MACROD2: variants seen among roughly 807,000 people sequenced by gnomAD.
The protein encoded by MACROD2 is ADP-ribose glycohydrolase MACROD2.
Under a neutral mutation model 70.4 loss-of-function variants are expected in MACROD2, and 36 were observed. The ratio of observed to expected loss-of-function variants is 0.51; its 90% CI spans 0.39 to 0.68. The LOEUF (loss-of-function observed/expected upper bound fraction) is 0.68. Ranked by LOEUF, MACROD2 falls within the 30% of genes least tolerant of loss-of-function variation. The pLI, the probability that MACROD2 is intolerant of heterozygous loss-of-function variation, is 0.00. For missense variants in MACROD2, 496 were observed against 538.4 expected (o/e 0.92, Z 0.78); for synonymous variants, 172 against 178.8 (o/e 0.96, Z 0.30).
chr20:14,741,597 G>A (rs1723984441), intron 5 of MACROD2, among the ~76,000 whole-genome samples: 1 of 151,844 alleles, frequency 6.6e-6, no homozygotes, highest in African/African-American at 2.4e-5. Flanking sequence ...GAAGAAAAAA[G>A]GCAATTCCAC....
chr20:14,945,718 T>A (rs1251065662), intron 5 of MACROD2, among the ~76,000 whole-genome samples: 1 of 152,088 alleles, frequency 6.6e-6, no homozygotes, highest in Non-Finnish European at 1.5e-5. Context: ...AGCAAGCATG[T>A]GACTGTCCTG....
At chr20:14,005,641 G>T (rs2052805344) in intron 2 of MACROD2, among the ~76,000 whole-genome samples, 1 of 149,870 alleles carries the variant, frequency 6.7e-6, no homozygotes. Flanking sequence ...CTTACTTTGT[G>T]CCCCGGGCTG....
At chr20:14,402,106 A>G (rs2083643822) in intron 3 of MACROD2, among the ~76,000 whole-genome samples, 1 of 152,198 alleles carries the variant, frequency 6.6e-6, no homozygotes, top group Non-Finnish European at 1.5e-5. Context: ...TAGTTCAATT[A>G]TAAGTGTATG....
At chr20:15,691,105 G>T (rs1220541096) in intron 8 of MACROD2, among the ~76,000 whole-genome samples, 1 of 152,120 alleles carries the variant, frequency 6.6e-6, no homozygotes, top group South Asian at 2.1e-4. Context: ...GTTCTAAGGG[G>T]TCTAGTTTTA....
chr20:15,242,900 T>C (rs1355730140), intron 6 of MACROD2, among the ~76,000 whole-genome samples: 1 of 152,166 alleles, frequency 6.6e-6, no homozygotes, highest in East Asian at 1.9e-4. Flanking sequence ...GCAATCAATA[T>C]CTGCAGAAGG....
intron 8 of MACROD2, among the ~76,000 whole-genome samples, chr20:15,592,062 C>T (rs1483099394): frequency 6.6e-6 from 1 of 152,184 alleles, no homozygotes; most frequent in Admixed American, 6.5e-5. Context: ...AGACCTCTCA[C>T]GTCTGACTTC....
chr20:15,529,597 A>G (rs953598857), intron 8 of MACROD2, among the ~76,000 whole-genome samples: 6 of 152,192 alleles, frequency 3.9e-5, no homozygotes, highest in Non-Finnish European at 8.8e-5. Context: ...AAAAAAATGT[A>G]AAGCCATGTT....
intron 4 of MACROD2, among the ~76,000 whole-genome samples, chr20:14,509,734 T>G (rs2085008438): frequency 6.6e-6 from 1 of 151,960 alleles, no homozygotes; most frequent in Non-Finnish European, 1.5e-5. Context: ...CTCTGGCACA[T>G]TATAAATAGT....
At chr20:15,662,435 G>T (rs530932417) in intron 8 of MACROD2, among the ~76,000 whole-genome samples, 1 of 152,196 alleles carries the variant, frequency 6.6e-6, no homozygotes, top group East Asian at 1.9e-4. Context: ...CACATAGTAG[G>T]CACTTCATAA....
chr20:15,455,647 G>A (rs1393735799), intron 7 of MACROD2, among the ~76,000 whole-genome samples: 1 of 152,090 alleles, frequency 6.6e-6, no homozygotes, highest in Non-Finnish European at 1.5e-5. Context: ...CAGGCCTGTC[G>A]AAATCTTTTT....
intron 8 of MACROD2, among the ~76,000 whole-genome samples, chr20:15,693,021 G>A (rs777081765): frequency 1.3e-5 from 2 of 152,094 alleles, no homozygotes; most frequent in East Asian, 1.9e-4. Context: ...TGCTAAAGAC[G>A]TGTTTGCTTC....
At chr20:14,458,771 T>C (rs1000348416) in intron 3 of MACROD2, among the ~76,000 whole-genome samples, 1 of 152,118 alleles carries the variant, frequency 6.6e-6, no homozygotes, top group Admixed American at 6.5e-5. Flanking sequence ...ATATACTGAA[T>C]TAGTCTCAAA....
intron 15 of MACROD2, among the ~76,000 whole-genome samples, chr20:16,014,687 A>G (rs1381132404): frequency 6.6e-6 from 1 of 152,160 alleles, no homozygotes; most frequent in Non-Finnish European, 1.5e-5. Flanking sequence ...CAGCCTAAGC[A>G]TCTGCTGTGG....
chr20:15,387,747 T>C (rs1400198867), intron 6 of MACROD2, among the ~76,000 whole-genome samples: 5 of 151,060 alleles, frequency 3.3e-5, no homozygotes, highest in African/African-American at 9.7e-5. Flanking sequence ...GATTTTTTTT[T>C]TTTTTTTTTT....
At chr20:15,164,187 A>G (rs1051525869) in intron 5 of MACROD2, among the ~76,000 whole-genome samples, 12 of 151,668 alleles carry the variant, frequency 7.9e-5, no homozygotes, top group African/African-American at 2.9e-4. Context: ...TTAAAAAAAT[A>G]AAACAAAAGT....
intron 8 of MACROD2, among the ~76,000 whole-genome samples, chr20:15,766,627 A>G (rs1007405536): frequency 1.3e-5 from 2 of 152,188 alleles, no homozygotes; most frequent in African/African-American, 2.4e-5. Context: ...AGATGTCTTC[A>G]TGGTCAAACT....
chr20:15,500,326 A>G (rs2047348989), intron 8 of MACROD2, among the ~76,000 whole-genome samples: 2 of 152,174 alleles, frequency 1.3e-5, no homozygotes, highest in South Asian at 4.1e-4. Context: ...ATTGATCACA[A>G]AATCGTTATG....
intron 3 of MACROD2, among the ~76,000 whole-genome samples, chr20:14,362,938 A>C (rs1322914755): frequency 1.3e-5 from 2 of 152,220 alleles, no homozygotes; most frequent in Non-Finnish European, 2.9e-5. Context: ...TTTAATTATT[A>C]ATAATGACCA....
intron 5 of MACROD2, among the ~76,000 whole-genome samples, chr20:14,899,658 A>G (rs552958736): frequency 6.6e-6 from 1 of 152,142 alleles, no homozygotes; most frequent in Non-Finnish European, 1.5e-5. Flanking sequence ...CATATCTCCA[A>G]ACAAGGTCAC....
Sources: allele counts gnomAD v4.1 joint callset (sites outside exome capture counted in the v4.1 genomes callset), GRCh38; gene constraint gnomAD v4.1.1; transcripts MANE v1.5; gene names NCBI Gene and HGNC (gene_info 2026-07-23, HGNC 2026-07-21).